REXO5: variants seen among roughly 807,000 people sequenced by gnomAD.
The protein encoded by REXO5 is RNA exonuclease 5.
In REXO5, 48 loss-of-function variants were observed where a neutral mutation model predicts 88.5. That is an observed-to-expected ratio of 0.54 (90% CI 0.43 to 0.69). REXO5 has a LOEUF of 0.69. Ranked by LOEUF, REXO5 falls within the 30% of genes least tolerant of loss-of-function variation. REXO5 has a pLI of 0.00. For synonymous variants in REXO5, 311 were observed against 336.5 expected, an observed-to-expected ratio of 0.92 and a Z score of 0.83; for missense variants, 749 against 912.2, an observed-to-expected ratio of 0.82 and a Z score of 2.30.
intron 6 of REXO5, among the ~76,000 whole-genome samples, chr16:20,823,275 A>G (rs944688808): frequency 5.3e-5 from 8 of 152,020 alleles, no homozygotes; most frequent in African/African-American, 1.7e-4. Context: ...TGGATGCATA[A>G]ATTTTATTTT....
chr16:20,835,552 G>A (rs940582644), intron 13 of REXO5, among the ~76,000 whole-genome samples: 6 of 151,968 alleles, frequency 3.9e-5, no homozygotes, highest in Non-Finnish European at 7.4e-5. Context: ...ATATTTGAGG[G>A]GGATTATTTA....
intron 15 of REXO5, among the ~76,000 whole-genome samples, chr16:20,843,488 C>G (rs1342398209): frequency 6.6e-6 from 1 of 152,152 alleles, no homozygotes; most frequent in Non-Finnish European, 1.5e-5. Flanking sequence ...AGGCTTTTAT[C>G]TCCATATTGA....
At chr16:20,816,954 AGT>A (rs1457498777) in intron 5 of REXO5, among the ~76,000 whole-genome samples, 1 of 152,238 alleles carries the variant, frequency 6.6e-6, no homozygotes, top group African/African-American at 2.4e-5. Context: ...TCATGATAGC[AGT>A]GTGTTTTTCA....
intron 11 of REXO5, among the ~76,000 whole-genome samples, chr16:20,830,354 T>C (rs1478578392): frequency 7.1e-6 from 1 of 141,684 alleles, no homozygotes; most frequent in Non-Finnish European, 1.5e-5. Flanking sequence ...ACCTTGCTAA[T>C]TTTTTTTTTT....
At chr16:20,833,187 C>T in intron 13 of REXO5, 64 bp downstream of exon 13, 2 of 1,499,420 alleles carry the variant, frequency 1.3e-6, no homozygotes, top group East Asian at 2.3e-5. Flanking sequence ...GCCCTTTGCA[C>T]CCATGCCAGT....
Position 20,849,471 on chromosome 16 carries a change from G to T in REXO5, c.2316G>T (p.Leu772=), listed in dbSNP as rs1287722017. The change falls in exon 20 of 20, where the codon CTG becomes CTT. Residue 772 remains leucine (L), a synonymous_variant. Coordinates refer to ENST00000261377, the MANE Select transcript of REXO5 (RefSeq NM_030941.3). ...AAGAAGAAAGCGCTGGCCCAGGCCT[G>T]TGTTCGTGAGTCGGCCTGCCATGTT... ...KEEEESAGPG[L]CS The T allele has an allele frequency of 6.2e-7, 1 of 1,614,022 alleles. No individual in the cohort carries two copies. The highest frequency in any genetic ancestry group is 8.5e-7 in the Non-Finnish European group (1 of 1,179,880).
At chr16:20,828,804 G>A (rs1271722840) in intron 11 of REXO5, among the ~76,000 whole-genome samples, 1 of 152,044 alleles carries the variant, frequency 6.6e-6, no homozygotes, top group Non-Finnish European at 1.5e-5. Flanking sequence ...GCGCGTGCCT[G>A]TAGTCCCAGC....
At chr16:20,819,860 C>T (rs181901875) in intron 5 of REXO5, among the ~76,000 whole-genome samples, 3 of 152,220 alleles carry the variant, frequency 2.0e-5, no homozygotes, top group East Asian at 3.9e-4. Context: ...TACATTCAAG[C>T]GATCCTCCTG....
At chr16:20,826,676 T>G (rs148064555) in intron 8 of REXO5, among the ~76,000 whole-genome samples, 1 of 152,358 alleles carries the variant, frequency 6.6e-6, no homozygotes, top group African/African-American at 2.4e-5. Flanking sequence ...TAAAATATGC[T>G]GTATCTGTAT....
intron 3 of REXO5, 24 bp from the exon 4 acceptor site, chr16:20,814,903 T>C: frequency 6.8e-6 from 11 of 1,606,668 alleles, no homozygotes; most frequent in Non-Finnish European, 9.3e-6. Flanking sequence ...CTGTCTTAAC[T>C]GTGTTGGTTT....
chr16:20,817,950 A>T (rs1263737202), intron 5 of REXO5, among the ~76,000 whole-genome samples: 1 of 152,054 alleles, frequency 6.6e-6, no homozygotes. Context: ...CGTTTTTCTC[A>T]TCCTCAAATA....
rs1257851398 is a variant in REXO5 at position 20,825,909 on chromosome 16, T to G, written c.782T>G (p.Leu261Arg). Reference protein sequence around the residue: ...AEGGCCVMDELVKPENKILDY... With the variant: ...AEGGCCVMDERVKPENKILDY... ...GGAGGCTGCTGTGTTATGGATGAAC[T>G]GGTCAAACCTGAAAACAAGATTCTG... The change falls in exon 8 of 20, where the codon CTG becomes CGG. Residue 261 changes from leucine to arginine, a missense_variant. Leu to Arg is a moderately radical substitution (Grantham distance 102, BLOSUM62 -2). Coordinates refer to ENST00000261377, the MANE Select transcript of REXO5 (RefSeq NM_030941.3). 6 of 1,613,888 alleles carry G rather than the reference T, an allele frequency of 3.7e-6. No individual in the cohort carries two copies. Among genetic ancestry groups the G allele is most frequent in the Non-Finnish European group, 5.1e-6 (6 of 1,179,974 alleles).
Position 20,806,614 on chromosome 16 carries a change from A to G in REXO5, c.-94A>G. On this transcript the variant is annotated 5_prime_UTR_variant, in exon 1 of 20. Transcript: ENST00000261377. ...GTTTCCCGGGCTAGGGGGCGTGGGG[A>G]GTGGTTTTAGGCGGCGAAGCCGCTC... The G allele has an allele frequency of 7.2e-7, 1 of 1,388,906 alleles. No individual in the cohort carries two copies. The allele number at this position is 1,388,906 out of a possible 1,614,324, so 86.0% of individuals were successfully genotyped here.
At chr16:20,828,368 T>G (rs2152505822) in intron 10 of REXO5, 67 bp from the exon 11 acceptor site, 56 of 934,956 alleles carry the variant, frequency 6.0e-5, no homozygotes, top group Non-Finnish European at 9.4e-5. Flanking sequence ...TCAGAACACT[T>G]GAGATGGTTG....
chr16:20,807,872 C>T (rs528456858), intron 2 of REXO5, among the ~76,000 whole-genome samples: 29 of 152,274 alleles, frequency 1.9e-4, no homozygotes, highest in Non-Finnish European at 3.4e-4. Flanking sequence ...CGGGGGTCCC[C>T]AACCCCCTGT....
chr16:20,811,395 G>A (rs1426367614), intron 2 of REXO5, among the ~76,000 whole-genome samples: 2 of 152,136 alleles, frequency 1.3e-5, no homozygotes, highest in Non-Finnish European at 2.9e-5. Context: ...AATGTTGTTT[G>A]TAATTTAAAA....
chr16:20,813,608 T>C (rs936715057), intron 3 of REXO5, among the ~76,000 whole-genome samples: 12 of 152,320 alleles, frequency 7.9e-5, no homozygotes, highest in African/African-American at 2.2e-4. Context: ...ATGGGACATG[T>C]ATACTACAAT....
intron 2 of REXO5, among the ~76,000 whole-genome samples, chr16:20,810,593 G>A (rs1360279239): frequency 6.6e-6 from 1 of 152,020 alleles, no homozygotes; most frequent in Non-Finnish European, 1.5e-5. Flanking sequence ...TGGAGATGGC[G>A]TTTGACCATG....
chr16:20,825,732 C>G (rs2081250325), intron 7 of REXO5, 101 bp from the exon 8 acceptor site: 5 of 785,894 alleles, frequency 6.4e-6, no homozygotes, highest in Non-Finnish European at 1.0e-5. Context: ...GCTGCAGGGA[C>G]CCTGGTAGAT....
Sources: allele counts gnomAD v4.1 joint callset (sites outside exome capture counted in the v4.1 genomes callset), GRCh38; gene constraint gnomAD v4.1.1; transcripts MANE v1.5; gene names NCBI Gene and HGNC (gene_info 2026-07-23, HGNC 2026-07-21).